Variants in ATP8B4 observed in about 807,000 individuals in gnomAD.
ATP8B4 encodes probable phospholipid-transporting ATPase IM.
A neutral mutation model predicts 145.6 loss-of-function variants in ATP8B4; 133 were observed. That is an observed-to-expected ratio of 0.91 (90% CI 0.79 to 1.05). ATP8B4 has a LOEUF of 1.05. Ranked by LOEUF, ATP8B4 falls within the 50% of genes least tolerant of loss-of-function variation. ATP8B4 has a pLI of 0.00. For missense variants in ATP8B4, 1,458 were observed against 1,425.2 expected (o/e 1.02, Z -0.37); for synonymous variants, 507 against 492.9 (o/e 1.03, Z -0.38).
intron 21 of ATP8B4, among the ~76,000 whole-genome samples, chr15:49,898,607 C>A (rs2037681537): frequency 6.6e-6 from 1 of 152,146 alleles, no homozygotes; most frequent in South Asian, 2.1e-4. Flanking sequence ...ACCTATCTAC[C>A]AGCTCACCAA....
At chr15:50,072,751 G>A (rs1207229101) in intron 3 of ATP8B4, among the ~76,000 whole-genome samples, 4 of 150,994 alleles carry the variant, frequency 2.6e-5, no homozygotes, top group East Asian at 2.0e-4. Flanking sequence ...TCAGCCTCCC[G>A]AGTAGCTGGG....
intron 13 of ATP8B4, among the ~76,000 whole-genome samples, chr15:49,964,167 G>T (rs1192349498): frequency 6.6e-6 from 1 of 152,146 alleles, no homozygotes; most frequent in African/African-American, 2.4e-5. Context: ...TCTCTGGGGT[G>T]CTGGTCTGAA....
intron 20 of ATP8B4, among the ~76,000 whole-genome samples, chr15:49,916,569 G>A (rs1382593683): frequency 6.6e-6 from 1 of 150,630 alleles, no homozygotes; most frequent in East Asian, 2.0e-4. Context: ...TCAGAATGAA[G>A]CTAGGGCATT....
intron 1 of ATP8B4, among the ~76,000 whole-genome samples, chr15:50,151,078 CTTAAAAT>C (rs1238719345): frequency 6.6e-6 from 1 of 152,134 alleles, no homozygotes; most frequent in Non-Finnish European, 1.5e-5. Context: ...GCACAACTTC[CTTAAAAT>C]TTATCTAGTT....
At chr15:50,032,253 C>A (rs1288882607) in intron 6 of ATP8B4, among the ~76,000 whole-genome samples, 1 of 150,866 alleles carries the variant, frequency 6.6e-6, no homozygotes, top group Non-Finnish European at 1.5e-5. Context: ...TCTCATTGTT[C>A]AACTCCCACT....
rs543323158 is a variant in ATP8B4 at position 50,106,188 on chromosome 15, C to G, written c.28+751G>C. On this transcript the variant is annotated intron_variant, in intron 2 of 27. Transcript: ENST00000284509. ...GGAAGGACAGGGCACTATGTAAACT[C>G]TAATCCAGCCTTTAGTCTCTAAAGA... Among the ~76,000 whole-genome samples the G allele has an allele frequency of 3.3e-5, 5 of 152,272 alleles. No homozygotes were observed. The South Asian group carries it at 1.0e-3, about 32-fold the overall frequency.
At chr15:50,051,098 C>T (rs1469051227) in intron 3 of ATP8B4, among the ~76,000 whole-genome samples, 3 of 152,156 alleles carry the variant, frequency 2.0e-5, no homozygotes, top group Non-Finnish European at 2.9e-5. Flanking sequence ...GTAGGAGGGA[C>T]CCGATGGGAG....
At chr15:50,036,732 A>G (rs78600301) in intron 6 of ATP8B4, among the ~76,000 whole-genome samples, 151 of 152,306 alleles carry the variant, frequency 9.9e-4, no homozygotes, top group Non-Finnish European at 1.9e-3. Flanking sequence ...AAGGGACACA[A>G]ACACAATCAA....
At chr15:49,977,087 A>G (rs2045731986) in intron 12 of ATP8B4, among the ~76,000 whole-genome samples, 1 of 152,168 alleles carries the variant, frequency 6.6e-6, no homozygotes, top group Non-Finnish European at 1.5e-5. Flanking sequence ...ATATCCTACC[A>G]AAGTAAGTGT....
chr15:49,991,045 A>G (rs2047006979), intron 9 of ATP8B4, among the ~76,000 whole-genome samples: 2 of 152,172 alleles, frequency 1.3e-5, no homozygotes, highest in Non-Finnish European at 2.9e-5. Flanking sequence ...CGGCACCAGC[A>G]GTAAAGAGGG....
chr15:49,864,243 T>G (rs1388789521), intron 26 of ATP8B4, among the ~76,000 whole-genome samples: 2 of 152,368 alleles, frequency 1.3e-5, no homozygotes, highest in Admixed American at 6.5e-5. Context: ...TTTTTAAGTG[T>G]ATGCGTGAAT....
intron 5 of ATP8B4, among the ~76,000 whole-genome samples, chr15:50,040,598 G>C (rs2051201105): frequency 6.6e-6 from 1 of 152,136 alleles, no homozygotes; most frequent in Admixed American, 6.5e-5. Context: ...TTTTTGTTTA[G>C]TCATGTAAAT....
At chr15:50,168,916 A>T (rs1299439821) in intron 1 of ATP8B4, among the ~76,000 whole-genome samples, 2 of 152,038 alleles carry the variant, frequency 1.3e-5, no homozygotes, top group Non-Finnish European at 1.5e-5. Flanking sequence ...GCTTTCCCCG[A>T]CTTCCCTGAC....
chr15:49,948,281 C>CAA (rs35575312), intron 14 of ATP8B4, among the ~76,000 whole-genome samples: 2,832 of 112,252 alleles, frequency 0.025, 63 homozygotes, highest in African/African-American at 0.037. Context: ...ACTAAAAATA[C>CAA]AAAAAAAAAA....
chr15:50,072,980 C>CTCTATATA (rs2053904370), intron 3 of ATP8B4, among the ~76,000 whole-genome samples: 1 of 22,878 alleles, frequency 4.4e-5, no homozygotes, highest in African/African-American at 1.8e-4. Context: ...CTCTCTCTCT[C>CTCTATATA]TATATATATA....
intron 9 of ATP8B4, among the ~76,000 whole-genome samples, chr15:49,987,838 A>C (rs2046750498): frequency 6.6e-6 from 1 of 152,302 alleles, no homozygotes; most frequent in South Asian, 2.1e-4. Context: ...AAAAAAGCAT[A>C]TCTTTACTTC....
At chr15:50,048,790 G>A (rs531669903) in intron 3 of ATP8B4, among the ~76,000 whole-genome samples, 4 of 152,136 alleles carry the variant, frequency 2.6e-5, no homozygotes, top group African/African-American at 9.6e-5. Context: ...GACACACAAG[G>A]AAATTCCAAA....
At position 50,097,432 on chromosome 15, in the gene ATP8B4, T is replaced by C. The variant is rs1401737021; in HGVS notation, c.28+9507A>G. ...TCCAAAATGCTGTTGGCATTGAACC[T>C]CCATGACCCCTAGGTCCTATTACGG... On this transcript the variant is annotated intron_variant, in intron 2 of 27. Transcript: ENST00000284509. Among the ~76,000 whole-genome samples, 3 of 152,190 alleles carry C rather than the reference T, an allele frequency of 2.0e-5. No homozygotes were observed. In the East Asian group the frequency reaches 5.8e-4, roughly 29 times the overall value.
intron 1 of ATP8B4, among the ~76,000 whole-genome samples, chr15:50,109,011 G>C (rs2056817332): frequency 6.6e-6 from 1 of 152,126 alleles, no homozygotes; most frequent in African/African-American, 2.4e-5. Context: ...CTGGATCCCA[G>C]ACCCCGGCCC....
Sources: gnomAD v4.1 joint callset for allele counts (sites outside exome capture counted in the v4.1 genomes callset) on GRCh38, gnomAD v4.1.1 for gene constraint, MANE v1.5 for transcripts, NCBI Gene and HGNC (gene_info 2026-07-23, HGNC 2026-07-21) for gene names.